Variants in COL23A1 observed in about 807,000 individuals in gnomAD.
The protein encoded by COL23A1 is collagen type XXIII alpha 1 chain.
COL23A1 carries 97 observed loss-of-function variants against 99.3 expected under a neutral mutation model. That is an observed-to-expected ratio of 0.98 (90% CI 0.83 to 1.16). COL23A1 has a LOEUF of 1.16. COL23A1 is among the 50% of genes most tolerant of loss of function. COL23A1 has a pLI of 0.00. For synonymous variants in COL23A1, 320 were observed against 308.2 expected, an observed-to-expected ratio of 1.04 and a Z score of -0.40; for missense variants, 762 against 757.4, an observed-to-expected ratio of 1.01 and a Z score of -0.07.
chr5:178,266,485 C>A (rs1473809563), intron 8 of COL23A1, among the ~76,000 whole-genome samples: 5 of 152,086 alleles, frequency 3.3e-5, no homozygotes, highest in South Asian at 4.1e-4. Context: ...AGGAGATCCA[C>A]TCTTCATGAC....
chr5:178,341,009 C>G (rs549464701), intron 2 of COL23A1, among the ~76,000 whole-genome samples: 40 of 152,348 alleles, frequency 2.6e-4, no homozygotes, highest in Non-Finnish European at 3.2e-4. Flanking sequence ...GATGGAGGAA[C>G]TGAGTCCCTT....
Position 178,290,000 on chromosome 5 carries a change from G to A in COL23A1, c.414+362C>T, listed in dbSNP as rs563179990. ...GGCTGGAGTGCAGTGGTGCGATCTC[G>A]ACTCACTGCAACCTCTGCCTCCTGG... is the stretch of plus-strand genomic sequence containing the variant. On this transcript the variant is annotated intron_variant, in intron 4 of 28. Transcript: ENST00000390654. 4.6e-5 allele frequency among the ~76,000 whole-genome samples: 7 copies of A among 152,222 alleles called. No individual in the cohort carries two copies. In the South Asian group the frequency reaches 1.0e-3, roughly 23 times the overall value.
At chr5:178,301,615 G>T (rs1315219371) in intron 3 of COL23A1, among the ~76,000 whole-genome samples, 3 of 152,224 alleles carry the variant, frequency 2.0e-5, no homozygotes, top group African/African-American at 4.8e-5. Flanking sequence ...GCTCTCCGTT[G>T]AGGGCCTTTC....
intron 1 of COL23A1, among the ~76,000 whole-genome samples, chr5:178,577,021 C>G (rs1257615839): frequency 6.6e-6 from 1 of 152,034 alleles, no homozygotes; most frequent in African/African-American, 2.4e-5. Flanking sequence ...CGCCTGTGTC[C>G]CTAGCGCGGT....
intron 27 of COL23A1, among the ~76,000 whole-genome samples, chr5:178,240,455 G>A (rs898426777): frequency 1.3e-5 from 2 of 152,196 alleles, no homozygotes; most frequent in Non-Finnish European, 2.9e-5. Flanking sequence ...AGGCCAGGCC[G>A]CCTACCGCAG....
At chr5:178,291,598 G>T (rs966170) in intron 3 of COL23A1, among the ~76,000 whole-genome samples, 115,606 of 151,370 alleles carry the variant, frequency 0.76, 44,690 homozygotes, top group Non-Finnish European at 0.84. Flanking sequence ...AAGCCCGGGG[G>T]TTTGTTTCCA....
intron 2 of COL23A1, among the ~76,000 whole-genome samples, chr5:178,320,914 C>G (rs1188811148): frequency 6.6e-6 from 1 of 152,242 alleles, no homozygotes; most frequent in Non-Finnish European, 1.5e-5. Flanking sequence ...CTCCTGCGCA[C>G]TCCAGAGGTG....
chr5:178,551,755 G>A (rs1762014581), intron 2 of COL23A1, among the ~76,000 whole-genome samples: 1 of 152,122 alleles, frequency 6.6e-6, no homozygotes, highest in Non-Finnish European at 1.5e-5. Context: ...CCTGCCCTGA[G>A]CACCCCCTCA....
chr5:178,495,588 C>T lies in COL23A1; in HGVS notation c.361+65094G>A, dbSNP rs568749580. On this transcript the variant is annotated intron_variant, in intron 2 of 28. Transcript: ENST00000390654. ...AGGGCACCAATGCATGGAAAACAGA[C>T]TGGGAAGGAATTTGCTAGCCTCAGA... Among the ~76,000 whole-genome samples, 4 of 152,116 alleles carry T rather than the reference C, an allele frequency of 2.6e-5. No individual in the cohort carries two copies. The East Asian group carries it at 7.7e-4, about 29-fold the overall frequency.
In COL23A1 at chr5:178,585,406, G is replaced by C. The variant is rs906938221; in HGVS notation, c.294+4498C>G. 2.5e-4 allele frequency among the ~76,000 whole-genome samples: 33 copies of C among 134,452 alleles called. 1 individual carries two copies. Among genetic ancestry groups the C allele is most frequent in the African/African-American group, 3.5e-4 (11 of 31,806 alleles). 88.2% of individuals were successfully genotyped at this position (134,452 alleles called of 152,430 possible). On this transcript the variant is annotated intron_variant, in intron 1 of 28. Transcript: ENST00000390654. ...AACACTCCGCGGCCCTGACTGATGT[G>C]TGGGTAACACTCCACAGCCCTGGTT...
chr5:178,528,790 A>C (rs1760474251), intron 2 of COL23A1, among the ~76,000 whole-genome samples: 1 of 152,242 alleles, frequency 6.6e-6, no homozygotes, highest in Non-Finnish European at 1.5e-5. Context: ...AGCCTGGGCA[A>C]CAAGAGTGAA....
intron 17 of COL23A1, among the ~76,000 whole-genome samples, chr5:178,251,073 A>C (rs1162879706): frequency 4.1e-5 from 6 of 145,482 alleles, no homozygotes; most frequent in Admixed American, 7.0e-5. Context: ...CCCAGGCTAG[A>C]GTGCAGTGGC....
chr5:178,238,665 C>A lies in COL23A1; in HGVS notation c.*33G>T, dbSNP rs545766417. The A allele has an allele frequency of 6.2e-7, 1 of 1,611,516 alleles. No individual in the cohort carries two copies. The highest frequency in any genetic ancestry group is 1.3e-5 in the African/African-American group (1 of 74,846). ...TTTACAAAAATTAAAAATGTCCACA[C>A]GGATCTGTACAGGTGTGAGCTGGGC... is the stretch of plus-strand genomic sequence containing the variant. On this transcript the variant is annotated 3_prime_UTR_variant, in exon 29 of 29. Coordinates refer to ENST00000390654, the MANE Select transcript of COL23A1 (RefSeq NM_173465.4).
chr5:178,403,424 T>C (rs1764580848), intron 2 of COL23A1, among the ~76,000 whole-genome samples: 1 of 152,164 alleles, frequency 6.6e-6, no homozygotes, highest in Non-Finnish European at 1.5e-5. Flanking sequence ...CTTGGAGAGT[T>C]TCAAACGCGT....
At chr5:178,533,369 G>A (rs1041514905) in intron 2 of COL23A1, among the ~76,000 whole-genome samples, 4 of 152,272 alleles carry the variant, frequency 2.6e-5, no homozygotes, top group African/African-American at 9.6e-5. Flanking sequence ...CGTGGCAACC[G>A]TGACTCCACT....
At chr5:178,291,371 T>C (rs1757450270) in intron 3 of COL23A1, among the ~76,000 whole-genome samples, 1 of 152,128 alleles carries the variant, frequency 6.6e-6, no homozygotes, top group Non-Finnish European at 1.5e-5. Context: ...GACAGATCCT[T>C]AAGAGGACAT....
At chr5:178,269,533 A>C (rs1383514322) in intron 6 of COL23A1, among the ~76,000 whole-genome samples, 2 of 70,724 alleles carry the variant, frequency 2.8e-5, no homozygotes, top group Admixed American at 1.7e-4. Flanking sequence ...CCACCCACCC[A>C]TCTATCCACC....
chr5:178,371,415 C>T (rs1762794851), intron 2 of COL23A1, among the ~76,000 whole-genome samples: 3 of 152,212 alleles, frequency 2.0e-5, no homozygotes, highest in African/African-American at 4.8e-5. Flanking sequence ...GGAGGAGGGG[C>T]CGGCTGCAGC....
chr5:178,312,621 A>G, intron 2 of COL23A1, among the ~76,000 whole-genome samples: 1 of 136,554 alleles, frequency 7.3e-6, no homozygotes, highest in South Asian at 2.6e-4. Flanking sequence ...CCCCTCTAGC[A>G]ATGCCCGTCT....
Sources: allele counts gnomAD v4.1 joint callset (sites outside exome capture counted in the v4.1 genomes callset), GRCh38; gene constraint gnomAD v4.1.1; transcripts MANE v1.5; gene names NCBI Gene and HGNC (gene_info 2026-07-23, HGNC 2026-07-21).